PCDHGA2: variants seen among roughly 807,000 people sequenced by gnomAD.
PCDHGA2 encodes the protein protocadherin gamma subfamily A, 2, also known as protocadherin gamma-A2.
A neutral mutation model predicts 59.2 loss-of-function variants in PCDHGA2; 40 were observed. The observed-to-expected ratio is 0.68, with a 90% CI of 0.52 to 0.88. The LOEUF (loss-of-function observed/expected upper bound fraction) is 0.88. PCDHGA2 is among the 40% of genes least tolerant of loss of function. PCDHGA2 has a pLI of 0.00. For missense variants in PCDHGA2, 1,226 were observed against 1,204.0 expected (o/e 1.02, Z -0.27); for synonymous variants, 560 against 526.0 (o/e 1.06, Z -0.89).
intron 1 of PCDHGA2, chr5:141,370,528 C>T (rs896464914): frequency 1.3e-5 from 21 of 1,613,784 alleles, no homozygotes; most frequent in Middle Eastern, 1.6e-4. Flanking sequence ...GACAGGGGCT[C>T]GCTGGTAGGG....
chr5:141,476,357 C>G lies in PCDHGA2; in HGVS notation c.2425-18450C>G. On this transcript the variant is annotated intron_variant, in intron 1 of 3. Transcript: ENST00000394576. The surrounding 1 kb of genome is among the most constrained non-coding windows in gnomAD (Gnocchi z 7.6). ...TAGCCGAAGATTCTTTGAGGTGAAC[C>G]GGGAGACCGGAGAGATGTTTGTGAA... The G allele has an allele frequency of 6.2e-7, 1 of 1,614,052 alleles. No individual in the cohort carries two copies. Among genetic ancestry groups the G allele is most frequent in the South Asian group, 1.1e-5 (1 of 91,078 alleles).
At position 141,486,447 on chromosome 5, in the gene PCDHGA2, T is replaced by A. The variant is rs1452869378; in HGVS notation, c.2425-8360T>A. 6.2e-7 allele frequency: 1 copy of A among 1,614,058 alleles called. No individual in the cohort carries two copies. The highest frequency in any genetic ancestry group is 1.7e-5 in the Admixed American group (1 of 60,012). On this transcript the variant is annotated intron_variant, in intron 1 of 3. Coordinates refer to ENST00000394576, the MANE Select transcript of PCDHGA2 (RefSeq NM_018915.4). This position sits in a 1 kb window ranked among gnomAD's most constrained non-coding sequence, Gnocchi z 5.0. Reference sequence around the variant, plus strand: ...GCCAAATCTAGCTATGACATCATGGTCACTGCTTCTGATGCTGGGAACCCT... The same window carrying A: ...GCCAAATCTAGCTATGACATCATGGACACTGCTTCTGATGCTGGGAACCCT...
intron 2 of PCDHGA2, among the ~76,000 whole-genome samples, chr5:141,500,125 T>C (rs1367341826): frequency 2.0e-5 from 3 of 151,970 alleles, no homozygotes; most frequent in African/African-American, 4.8e-5. Flanking sequence ...CCTTTTCATA[T>C]ATATCTTTCT....
In PCDHGA2 at chr5:141,340,548, G is replaced by A. The variant is rs1453532040; in HGVS notation, c.1577G>A (p.Arg526Gln). ...CGCTCCTTTGATTATGAGCAGTTGCGAGACTTGCAAGTGTGGGTGATAGCG... is the reference window on the plus strand; with the variant it reads ...CGCTCCTTTGATTATGAGCAGTTGCAAGACTTGCAAGTGTGGGTGATAGCG... ...ALRSFDYEQL[R>Q]DLQVWVIARD... The change falls in exon 1 of 4, where the codon CGA becomes CAA. Residue 526 changes from arginine (R) to glutamine (Q), a missense_variant. Coordinates refer to ENST00000394576, the MANE Select transcript of PCDHGA2 (RefSeq NM_018915.4). 6.2e-6 allele frequency: 10 copies of A among 1,614,118 alleles called. No individual in the cohort carries two copies. The highest frequency in any genetic ancestry group is 2.7e-5 in the African/African-American group (2 of 74,934).
chr5:141,477,229 C>T lies in PCDHGA2; in HGVS notation c.2425-17578C>T. ...AGGATGCCCCTCTGGGGACTGTCAT[C>T]GCTTTGCTCAGTGTGACTGACCTGG... On this transcript the variant is annotated intron_variant, in intron 1 of 3. Transcript: ENST00000394576. The surrounding 1 kb of genome is among the most constrained non-coding windows in gnomAD (Gnocchi z 4.9). 6.2e-7 allele frequency: 1 copy of T among 1,614,222 alleles called. No homozygotes were observed. Among genetic ancestry groups the T allele is most frequent in the Non-Finnish European group, 8.5e-7 (1 of 1,180,052 alleles).
At chr5:141,413,531 A>G (rs1472068242) in intron 1 of PCDHGA2, 6 of 1,613,818 alleles carry the variant, frequency 3.7e-6, no homozygotes, top group Non-Finnish European at 5.1e-6. Flanking sequence ...GACAGGGTGA[A>G]ACTTTTTGGG....
Position 141,477,685 on chromosome 5 carries a change from G to A in PCDHGA2, c.2425-17122G>A, listed in dbSNP as rs1218415502. ...ACAATGGCATAGTGTCATCCTTAGT[G>A]CCCCTAGACTATGAGGATCGGCGGG... On this transcript the variant is annotated intron_variant, in intron 1 of 3. Transcript: ENST00000394576. This position sits in a 1 kb window ranked among gnomAD's most constrained non-coding sequence, Gnocchi z 4.9. The A allele has an allele frequency of 6.2e-7, 1 of 1,614,116 alleles. No individual in the cohort carries two copies. The highest frequency in any genetic ancestry group is 8.5e-7 in the Non-Finnish European group (1 of 1,180,040).
intron 1 of PCDHGA2, chr5:141,360,135 G>A (rs1200093111): frequency 1.3e-6 from 2 of 1,592,246 alleles, no homozygotes; most frequent in Admixed American, 3.5e-5. Context: ...GGAGCCAGAA[G>A]ATGAAAGCGA....
chr5:141,350,605 C>G, intron 1 of PCDHGA2: 1 of 1,613,998 alleles, frequency 6.2e-7, no homozygotes, highest in South Asian at 1.1e-5. Context: ...ATGTTTTCCA[C>G]GTGGTTGTTG....
chr5:141,489,935 T>C lies in PCDHGA2; in HGVS notation c.2425-4872T>C. On this transcript the variant is annotated intron_variant, in intron 1 of 3. Coordinates refer to ENST00000394576, the MANE Select transcript of PCDHGA2 (RefSeq NM_018915.4). The surrounding 1 kb of genome is among the most constrained non-coding windows in gnomAD (Gnocchi z 4.5). ...GGGACCACCCTTATCTCTGTCATCG[T>C]GCTGGACATCAATGATAATGCTCCA... 1 of 1,614,216 alleles carries C rather than the reference T, an allele frequency of 6.2e-7. No individual in the cohort carries two copies.
At position 141,340,155 on chromosome 5, in the gene PCDHGA2, A is replaced by G. The variant is rs1313839059; in HGVS notation, c.1184A>G (p.Glu395Gly). 1.9e-6 allele frequency: 3 copies of G among 1,614,240 alleles called. No individual in the cohort carries two copies. Among genetic ancestry groups the G allele is most frequent in the African/African-American group, 1.3e-5 (1 of 75,064 alleles). The change falls in exon 1 of 4, where the codon GAA becomes GGA. Residue 395 changes from glutamate (E) to glycine (G), a missense_variant. Coordinates refer to ENST00000394576, the MANE Select transcript of PCDHGA2 (RefSeq NM_018915.4). Reference sequence around the variant, plus strand: ...CCCGAGGATCTTCCTTTTAAGTTAGAAAAGTCAGTAGACAATTACTACCGA... The same window carrying G: ...CCCGAGGATCTTCCTTTTAAGTTAGGAAAGTCAGTAGACAATTACTACCGA... ...SLPEDLPFKL[E>G]KSVDNYYRLV... is the part of the protein sequence containing the mutation.
intron 1 of PCDHGA2, chr5:141,372,072 C>G: frequency 1.2e-6 from 2 of 1,613,664 alleles, no homozygotes; most frequent in Non-Finnish European, 1.7e-6. Context: ...CGACAATGCA[C>G]CGCTGGTGCT....
chr5:141,366,218 C>T (rs1366831646), intron 1 of PCDHGA2: 3 of 1,613,704 alleles, frequency 1.9e-6, no homozygotes, highest in African/African-American at 1.3e-5. Context: ...GCGCACAGCG[C>T]GAGCCCTGCT....
chr5:141,360,377 G>C (rs1761565545), intron 1 of PCDHGA2: 1 of 1,613,920 alleles, frequency 6.2e-7, no homozygotes, highest in African/African-American at 1.3e-5. Context: ...AACCCAGAAA[G>C]CGGAGACTTA....
In PCDHGA2 at chr5:141,433,172, G is replaced by C. The variant is rs147848043; in HGVS notation, c.2425-61635G>C. 533 of 1,610,720 alleles carry C rather than the reference G, an allele frequency of 3.3e-4. 5 individuals carry two copies. In the South Asian group the frequency reaches 5.0e-3, roughly 15 times the overall value. On this transcript the variant is annotated intron_variant, in intron 1 of 3. Transcript: ENST00000394576. ...TTCGGTATTTTCTAAAGACAGTCAT[G>C]GGTTAATTGAGGTGAGTTTATATCA...
In PCDHGA2 at chr5:141,388,074, C is replaced by T. The variant is rs770542956; in HGVS notation, c.2424+46679C>T. 1.6e-5 allele frequency: 22 copies of T among 1,363,892 alleles called. No homozygotes were observed. In the South Asian group the frequency reaches 2.8e-4, roughly 17 times the overall value. 84.5% of individuals were successfully genotyped at this position (1,363,892 alleles called of 1,614,324 possible). On this transcript the variant is annotated intron_variant, in intron 1 of 3. Transcript: ENST00000394576. ...GTTCAGCGTCCAGGAGTTACCGACT[C>T]GAAAACTGCGCGTCAGTTCGGAGAA...
At position 141,485,443 on chromosome 5, in the gene PCDHGA2, C is replaced by A. The variant is rs2099613637; in HGVS notation, c.2425-9364C>A. 5 of 1,614,054 alleles carry A rather than the reference C, an allele frequency of 3.1e-6. No individual in the cohort carries two copies. The East Asian group carries it at 6.7e-5, about 22-fold the overall frequency. ...GAGCCCTGCTCATCAAGAACCCAAT[C>A]GACCGAGAGGCACTGTGTGGGCTCA... On this transcript the variant is annotated intron_variant, in intron 1 of 3. Coordinates refer to ENST00000394576, the MANE Select transcript of PCDHGA2 (RefSeq NM_018915.4). This position sits in a 1 kb window ranked among gnomAD's most constrained non-coding sequence, Gnocchi z 5.7.
intron 1 of PCDHGA2, among the ~76,000 whole-genome samples, chr5:141,454,458 G>A (rs535843071): frequency 5.3e-5 from 8 of 152,322 alleles, no homozygotes; most frequent in Non-Finnish European, 1.5e-5. Flanking sequence ...CCAGGCTGGA[G>A]TGCAATGGCA....
chr5:141,417,641 C>G (rs1266850894), intron 1 of PCDHGA2: 12 of 779,426 alleles, frequency 1.5e-5, no homozygotes, highest in Non-Finnish European at 2.1e-5. Context: ...CCGGGGATCC[C>G]TCAGCCTCTA....
Sources: gnomAD v4.1 joint callset for allele counts (sites outside exome capture counted in the v4.1 genomes callset) on GRCh38, gnomAD v4.1.1 for gene constraint, Gnocchi (gnomAD v3.1) non-coding constraint, MANE v1.5 for transcripts, NCBI Gene and HGNC (gene_info 2026-07-23, HGNC 2026-07-21) for gene names.